Variants in SCML4 observed in about 807,000 individuals in gnomAD.
SCML4 encodes Scm polycomb group protein like 4, also known as sex comb on midleg-like protein 4.
In SCML4, 34 loss-of-function variants were observed where a neutral mutation model predicts 41.1. The ratio of observed to expected loss-of-function variants is 0.83; its 90% confidence interval spans 0.63 to 1.10. SCML4 has a LOEUF of 1.10. Among genes scored for constraint, SCML4 ranks in the 50% least tolerant of loss-of-function variants. SCML4 has a pLI of 0.00. For missense variants in SCML4, 522 were observed against 534.1 expected (o/e 0.98, Z 0.22); for synonymous variants, 214 against 220.9 (o/e 0.97, Z 0.28).
At chr6:107,799,399 G>A (rs1407726493) in intron 1 of SCML4, among the ~76,000 whole-genome samples, 2 of 152,080 alleles carry the variant, frequency 1.3e-5, no homozygotes, top group African/African-American at 4.8e-5. Context: ...TATGATGAAT[G>A]TTTGCACAGT....
At chr6:107,803,910 T>C (rs1424474981) in intron 1 of SCML4, among the ~76,000 whole-genome samples, 14 of 151,750 alleles carry the variant, frequency 9.2e-5, no homozygotes, top group Non-Finnish European at 2.1e-4. Flanking sequence ...ACACAAACAC[T>C]GCGGAAGGCC....
At chr6:107,771,352 G>GA (rs1362016579) in intron 2 of SCML4, among the ~76,000 whole-genome samples, 1 of 152,086 alleles carries the variant, frequency 6.6e-6, no homozygotes, top group Non-Finnish European at 1.5e-5. Context: ...TTTATTTCAC[G>GA]AAAAATAGAT....
At chr6:107,809,866 C>T (rs927048571) in intron 1 of SCML4, among the ~76,000 whole-genome samples, 3 of 152,132 alleles carry the variant, frequency 2.0e-5, no homozygotes, top group South Asian at 2.1e-4. Context: ...CTCTCTCTAC[C>T]GACATCTGTA....
At chr6:107,826,403 C>T (rs766442601), upstream of SCML4, among the ~76,000 whole-genome samples, 4 of 152,144 alleles carry the variant, frequency 2.6e-5, no homozygotes, top group Admixed American at 1.3e-4. Context: ...TACTCACACC[C>T]GTGGCCTCAC....
chr6:107,833,784 G>C, the SCML4 span, among the ~76,000 whole-genome samples: 3 of 152,164 alleles, frequency 2.0e-5, no homozygotes, highest in African/African-American at 7.2e-5. Flanking sequence ...TGTACAAGTT[G>C]GATGGCAAGC....
At chr6:107,738,858 G>A (rs894168187) in intron 5 of SCML4, among the ~76,000 whole-genome samples, 3 of 152,040 alleles carry the variant, frequency 2.0e-5, no homozygotes, top group Non-Finnish European at 2.9e-5. Context: ...AGGGACCAGC[G>A]AGAACATCTT....
At chr6:107,769,478 T>C (rs1036934854) in intron 2 of SCML4, among the ~76,000 whole-genome samples, 1 of 152,200 alleles carries the variant, frequency 6.6e-6, no homozygotes, top group Non-Finnish European at 1.5e-5. Context: ...ACAGAGGTGA[T>C]TGACAGAGCA....
At chr6:107,831,990 GAGGTGGAGCTTGC>G in the SCML4 span, among the ~76,000 whole-genome samples, 1 of 151,872 alleles carries the variant, frequency 6.6e-6, no homozygotes, top group South Asian at 2.1e-4. Flanking sequence ...GTGAACCCGG[GAGGTGGAGCTTGC>G]AGTGAGCCGA....
At chr6:107,763,132 C>G (rs1779745929) in intron 2 of SCML4, among the ~76,000 whole-genome samples, 1 of 151,892 alleles carries the variant, frequency 6.6e-6, no homozygotes, top group Admixed American at 6.6e-5. Context: ...ATCCTGCTGC[C>G]TAGCCTCCCA....
In SCML4 at chr6:107,756,374, T is replaced by C. The variant is rs142780959; in HGVS notation, c.157-6561A>G. ...TCTTCTTCCCCAAGCCCCCTAACCC[T>C]AGTCTAATCATGAGAAAAACATTAG... On this transcript the variant is annotated intron_variant, in intron 2 of 7. Transcript: ENST00000369020. 3.1e-3 allele frequency among the ~76,000 whole-genome samples: 475 copies of C among 152,272 alleles called. 2 individuals are homozygous for C. Among genetic ancestry groups the C allele is most frequent in the African/African-American group, 0.011 (461 of 41,556 alleles).
At chr6:107,834,390 C>G in the SCML4 span, among the ~76,000 whole-genome samples, 1 of 152,208 alleles carries the variant, frequency 6.6e-6, no homozygotes, top group East Asian at 1.9e-4. Flanking sequence ...ACCTCCTCAG[C>G]AGAGATCCAC....
chr6:107,749,808 C>A lies in SCML4; in HGVS notation c.162G>T (p.Lys54Asn). ...KRGRKPGYKIKSRVLMTPLAL... is the reference protein window; with the variant it reads ...KRGRKPGYKINSRVLMTPLAL... ...CTAAGGGAGTCATGAGAACCCGAGA[C>A]TTGATCTGGAAGAGAGAGCCCATTT... Residue 54 changes from lysine to asparagine, a missense_variant, in exon 3 of 8, where the codon AAG becomes AAT. Transcript: ENST00000369020. 2 of 1,614,080 alleles carry A rather than the reference C, an allele frequency of 1.2e-6. No homozygotes were observed. The highest frequency in any genetic ancestry group is 2.7e-5 in the African/African-American group (2 of 75,014).
chr6:107,817,620 C>CAAAAAAAAAAAAAAAAAAA, intron 1 of SCML4, among the ~76,000 whole-genome samples: 1 of 45,996 alleles, frequency 2.2e-5, no homozygotes, highest in African/African-American at 1.4e-4. Flanking sequence ...GACTTCATCT[C>CAAAAAAAAAAAAAAAAAAA]AAAAAAAAAA....
chr6:107,825,852 G>A (rs74523443), upstream of SCML4, among the ~76,000 whole-genome samples: 3,314 of 150,064 alleles, frequency 0.022, 118 homozygotes, highest in African/African-American at 0.075. Flanking sequence ...AGGGAGAATG[G>A]CGTGAACCCG....
At chr6:107,817,620 C>CAA (rs35621962) in intron 1 of SCML4, among the ~76,000 whole-genome samples, 25,713 of 45,494 alleles carry the variant, frequency 0.57, 6,889 homozygotes, top group Non-Finnish European at 0.64. Context: ...GACTTCATCT[C>CAA]AAAAAAAAAA....
the SCML4 span, among the ~76,000 whole-genome samples, chr6:107,830,786 T>C: frequency 2.0e-5 from 3 of 152,234 alleles, no homozygotes; most frequent in African/African-American, 7.2e-5. Context: ...CTTTACTTTT[T>C]GTTCCTTTAT....
At chr6:107,823,634 G>GA (rs1162309602) in intron 1 of SCML4, among the ~76,000 whole-genome samples, 18 of 150,624 alleles carry the variant, frequency 1.2e-4, no homozygotes, top group Admixed American at 2.6e-4. Context: ...AATTAAATGG[G>GA]AAAAAAAACA....
chr6:107,784,736 C>A (rs1781754431), intron 1 of SCML4, among the ~76,000 whole-genome samples: 1 of 152,270 alleles, frequency 6.6e-6, no homozygotes, highest in Admixed American at 6.5e-5. Flanking sequence ...CCAGGGCCAG[C>A]TGCCCTAGTG....
intron 2 of SCML4, among the ~76,000 whole-genome samples, chr6:107,764,066 G>A (rs1779842216): frequency 6.6e-6 from 1 of 152,208 alleles, no homozygotes; most frequent in Non-Finnish European, 1.5e-5. Flanking sequence ...AACAAAGTTA[G>A]AAGACATTGA....
Sources: allele counts gnomAD v4.1 joint callset (sites outside exome capture counted in the v4.1 genomes callset), GRCh38; gene constraint gnomAD v4.1.1; transcripts MANE v1.5; gene names NCBI Gene and HGNC (gene_info 2026-07-23, HGNC 2026-07-21).